CGGBP1: variants seen among roughly 807,000 people sequenced by gnomAD.
CGGBP1 encodes CGG triplet repeat binding protein 1, also known as CGG triplet repeat-binding protein 1.
In CGGBP1, 4 loss-of-function variants were observed where a neutral mutation model predicts 11.4. The observed-to-expected ratio is 0.35, with a 90% CI of 0.17 to 0.80. The LOEUF is 0.80. CGGBP1 is among the 30% of genes least tolerant of loss of function. The probability of loss-of-function intolerance (pLI) is 0.52; values close to 1 mark genes in which losing one functional copy is unlikely to be tolerated. For missense variants in CGGBP1, 135 were observed against 202.1 expected (o/e 0.67, Z 2.01); for synonymous variants, 76 against 74.1 (o/e 1.03, Z -0.13).
intron 2 of CGGBP1, among the ~76,000 whole-genome samples, chr3:88,130,241 T>C (rs561181851): frequency 4.6e-4 from 70 of 152,228 alleles, no homozygotes; most frequent in African/African-American, 1.6e-3. Flanking sequence ...TTTCCTCAGC[T>C]CCAGTACACC....
intron 2 of CGGBP1, among the ~76,000 whole-genome samples, chr3:88,081,671 T>C (rs1467703152): frequency 6.6e-6 from 1 of 152,246 alleles, no homozygotes; most frequent in African/African-American, 2.4e-5. Context: ...TCAGGTTGGC[T>C]TCCATATTCT....
intron 1 of CGGBP1, chr3:88,141,645 G>T: frequency 6.6e-7 from 1 of 1,508,220 alleles, no homozygotes; most frequent in Non-Finnish European, 9.0e-7. Context: ...TGTTTTACAG[G>T]TGCCTGATGA....
At chr3:88,086,327 G>C (rs1187273675) in intron 2 of CGGBP1, 1 of 1,535,040 alleles carries the variant, frequency 6.5e-7, no homozygotes, top group Non-Finnish European at 8.7e-7. Context: ...ACTGCCCTTT[G>C]TTGTTTTACA....
intron 2 of CGGBP1, among the ~76,000 whole-genome samples, chr3:88,081,096 T>C (rs1708053027): frequency 6.6e-6 from 1 of 152,170 alleles, no homozygotes; most frequent in African/African-American, 2.4e-5. Context: ...ATTAATATTT[T>C]GTAGAATATC....
intron 2 of CGGBP1, among the ~76,000 whole-genome samples, chr3:88,130,502 A>C (rs1426746528): frequency 3.9e-5 from 6 of 152,012 alleles, no homozygotes; most frequent in Non-Finnish European, 8.8e-5. Context: ...CTCAGGCTAG[A>C]ATACAGTGGT....
chr3:88,114,494 C>T (rs1204988550), intron 2 of CGGBP1, among the ~76,000 whole-genome samples: 2 of 152,044 alleles, frequency 1.3e-5, no homozygotes, highest in Non-Finnish European at 2.9e-5. Context: ...GAAAAGTTAG[C>T]GGTTTTGCAT....
chr3:88,116,385 C>T (rs141662024), intron 2 of CGGBP1, among the ~76,000 whole-genome samples: 81 of 151,728 alleles, frequency 5.3e-4, no homozygotes, highest in African/African-American at 1.6e-3. Flanking sequence ...CAGGTCGTGG[C>T]GGCTCATGCC....
chr3:88,140,379 G>T (rs548146174), intron 2 of CGGBP1: 1 of 1,612,924 alleles, frequency 6.2e-7, no homozygotes. Context: ...ATCTAGTAAT[G>T]AGAAACAAAC....
At chr3:88,064,109 CTT>C (rs34753092) in intron 2 of CGGBP1, among the ~76,000 whole-genome samples, 21 of 147,880 alleles carry the variant, frequency 1.4e-4, no homozygotes, top group South Asian at 2.1e-4. Flanking sequence ...CGAGCTTCTT[CTT>C]TTTTTTTTTT....
chr3:88,146,966 C>T (rs1364573008), intron 1 of CGGBP1, among the ~76,000 whole-genome samples: 6 of 152,180 alleles, frequency 3.9e-5, no homozygotes, highest in Non-Finnish European at 7.3e-5. Context: ...TAACTGGGTT[C>T]CCTGCTTCTA....
intron 2 of CGGBP1, among the ~76,000 whole-genome samples, chr3:88,127,377 C>T (rs1210585721): frequency 1.3e-5 from 2 of 151,638 alleles, no homozygotes; most frequent in African/African-American, 2.4e-5. Flanking sequence ...GTATACGTGA[C>T]AGTGTTATGA....
At chr3:88,115,542 A>T in intron 2 of CGGBP1, among the ~76,000 whole-genome samples, 1 of 152,090 alleles carries the variant, frequency 6.6e-6, no homozygotes, top group East Asian at 1.9e-4. Context: ...TACTACTTGG[A>T]TTTTTATTTT....
At chr3:88,071,419 C>T (rs1384324994) in intron 2 of CGGBP1, among the ~76,000 whole-genome samples, 1 of 152,040 alleles carries the variant, frequency 6.6e-6, no homozygotes, top group Admixed American at 6.5e-5. Context: ...CTGAGGCGGG[C>T]GGATCACAAA....
At chr3:88,133,786 A>G (rs1482092606) in intron 2 of CGGBP1, among the ~76,000 whole-genome samples, 2 of 152,150 alleles carry the variant, frequency 1.3e-5, no homozygotes, top group East Asian at 1.9e-4. Context: ...GTAGAAATAC[A>G]TGTGTAAAAT....
chr3:88,145,560 T>C (rs1707296523), intron 1 of CGGBP1, among the ~76,000 whole-genome samples: 1 of 152,148 alleles, frequency 6.6e-6, no homozygotes, highest in Admixed American at 6.6e-5. Context: ...ATTTGAAGAA[T>C]TCTGGGAAGC....
At chr3:88,103,196 A>G (rs1323971722) in intron 2 of CGGBP1, among the ~76,000 whole-genome samples, 1 of 152,200 alleles carries the variant, frequency 6.6e-6, no homozygotes, top group African/African-American at 2.4e-5. Flanking sequence ...CCCCCTATTA[A>G]GAGATAAAGC....
intron 2 of CGGBP1, among the ~76,000 whole-genome samples, chr3:88,105,957 C>T (rs1321311229): frequency 6.6e-6 from 1 of 152,164 alleles, no homozygotes; most frequent in African/African-American, 2.4e-5. Context: ...CCTCTTTTTG[C>T]TGCTTGGCCC....
At chr3:88,083,973 T>C (rs1708217770) in intron 2 of CGGBP1, among the ~76,000 whole-genome samples, 1 of 125,856 alleles carries the variant, frequency 7.9e-6, no homozygotes, top group Admixed American at 7.7e-5. Context: ...ATATAGAAAA[T>C]ATTTCAAAGA....
At chr3:88,077,617 A>G (rs1195739217) in intron 2 of CGGBP1, among the ~76,000 whole-genome samples, 1 of 152,226 alleles carries the variant, frequency 6.6e-6, no homozygotes, top group Non-Finnish European at 1.5e-5. Context: ...TGTCAGAAAA[A>G]TTATACTGCT....
Sources: gnomAD v4.1 joint callset for allele counts (sites outside exome capture counted in the v4.1 genomes callset) on GRCh38, gnomAD v4.1.1 for gene constraint, MANE v1.5 for transcripts, NCBI Gene and HGNC (gene_info 2026-07-23, HGNC 2026-07-21) for gene names.